Variants in ATP13A5 observed in about 807,000 individuals in gnomAD.
The protein encoded by ATP13A5 is ATPase 13A5.
ATP13A5 carries 149 observed loss-of-function variants against 150.2 expected under a neutral mutation model. The ratio of observed to expected loss-of-function variants is 0.99; its 90% CI spans 0.87 to 1.14. The LOEUF is 1.14. Among genes scored for constraint, ATP13A5 ranks in the 50% most tolerant of loss-of-function variants. The pLI is 0.00. For missense variants in ATP13A5, 1,383 were observed against 1,449.3 expected (o/e 0.95, Z 0.74); for synonymous variants, 497 against 522.2 (o/e 0.95, Z 0.66).
At chr3:193,324,485 GT>G (rs1401862699) in intron 14 of ATP13A5, among the ~76,000 whole-genome samples, 1 of 152,150 alleles carries the variant, frequency 6.6e-6, no homozygotes, top group Non-Finnish European at 1.5e-5. Flanking sequence ...AAACACTGAT[GT>G]TTTGGAGAAC....
intron 14 of ATP13A5, chr3:193,323,144 T>C (rs1428379799): frequency 1.3e-5 from 2 of 152,352 alleles, no homozygotes; most frequent in Non-Finnish European, 2.9e-5. Flanking sequence ...GGAAAGACAG[T>C]CATATATATA....
chr3:193,281,648 A>G (rs1717500099), intron 27 of ATP13A5, among the ~76,000 whole-genome samples: 1 of 152,236 alleles, frequency 6.6e-6, no homozygotes, highest in African/African-American at 2.4e-5. Flanking sequence ...TTTCTGTTAC[A>G]TCAAAATAAA....
chr3:193,346,352 A>G (rs1712336401), intron 7 of ATP13A5, among the ~76,000 whole-genome samples: 3 of 152,132 alleles, frequency 2.0e-5, no homozygotes, highest in Non-Finnish European at 4.4e-5. Flanking sequence ...AAGTGGAGAA[A>G]GCATCTTATA....
At position 193,364,181 on chromosome 3, in the gene ATP13A5, G is replaced by C; in HGVS notation, c.163C>G (p.Pro55Ala). ...GGLLLVFYWRPQWRVWANCIP... is the reference protein window; with the variant it reads ...GGLLLVFYWRAQWRVWANCIP... Reference sequence around the variant, plus strand: ...CAGTTGGCCCACACTCTCCACTGGGGTCTCCAGTAGAACACCAGCAGAAGG... The same window carrying C: ...CAGTTGGCCCACACTCTCCACTGGGCTCTCCAGTAGAACACCAGCAGAAGG... Residue 55 changes from proline to alanine, a missense_variant, in exon 2 of 30, where the codon CCC (proline) becomes GCC (alanine). Pro to Ala is a conservative substitution (Grantham distance 27, BLOSUM62 -1). Around this residue, in one of 3 missense-constraint regions of ATP13A5, gnomAD observed 787 missense variants for 771.9 expected, o/e 1.02. Coordinates refer to ENST00000342358, the MANE Select transcript of ATP13A5 (RefSeq NM_198505.4). The C allele has an allele frequency of 6.2e-7, 1 of 1,614,096 alleles. No homozygotes were observed.
At chr3:193,326,836 A>T (rs1022513776) in intron 13 of ATP13A5, among the ~76,000 whole-genome samples, 160 bp downstream of exon 13, 1 of 152,228 alleles carries the variant, frequency 6.6e-6, no homozygotes, top group Non-Finnish European at 1.5e-5. Context: ...TTCTGAAATT[A>T]GAATTCATTT....
chr3:193,363,812 A>G lies in ATP13A5; in HGVS notation c.237+295T>C, dbSNP rs890425182. Reference sequence around the variant, plus strand: ...TGTTATGGTCTCTAAACGCTGTAACACTGACAGCCACTGCTCATGTAATGG... The same window carrying G: ...TGTTATGGTCTCTAAACGCTGTAACGCTGACAGCCACTGCTCATGTAATGG... On this transcript the variant is annotated intron_variant, in intron 2 of 29. Transcript: ENST00000342358. Among the ~76,000 whole-genome samples the G allele has an allele frequency of 1.1e-4, 16 of 152,180 alleles. 1 individual carries two copies. Among genetic ancestry groups the G allele is most frequent in the African/African-American group, 2.9e-4 (12 of 41,454 alleles).
chr3:193,364,865 G>T (rs1285196096), intron 1 of ATP13A5, among the ~76,000 whole-genome samples: 1 of 152,052 alleles, frequency 6.6e-6, no homozygotes, highest in Admixed American at 6.6e-5. Flanking sequence ...CTTTCAAAAA[G>T]CAGCTTATAT....
At chr3:193,316,454 G>T (rs1719055335) in intron 17 of ATP13A5, among the ~76,000 whole-genome samples, 1 of 151,944 alleles carries the variant, frequency 6.6e-6, no homozygotes, top group East Asian at 1.9e-4. Flanking sequence ...ATTTTACAAA[G>T]GTTCTAATTT....
chr3:193,287,797 T>C (rs1717780642), intron 26 of ATP13A5, among the ~76,000 whole-genome samples: 1 of 152,164 alleles, frequency 6.6e-6, no homozygotes, highest in East Asian at 1.9e-4. Flanking sequence ...ATAGCTGCCA[T>C]AGAGAGTGAT....
intron 7 of ATP13A5, among the ~76,000 whole-genome samples, chr3:193,347,524 C>CTTTTCTT (rs72383894): frequency 0.4 from 58,702 of 145,270 alleles, 12,181 homozygotes; most frequent in East Asian, 0.56. Context: ...CCTTAGATTT[C>CTTTTCTT]TTTTTTTTTT....
rs539133141 is a variant in ATP13A5 at position 193,300,446 on chromosome 3, C to T, written c.2775+765G>A. Among the ~76,000 whole-genome samples, 23 of 152,204 alleles carry T rather than the reference C, an allele frequency of 1.5e-4. No individual in the cohort carries two copies. The South Asian group carries it at 4.8e-3, about 32-fold the overall frequency. ...TCTTCCCACCAGGCTGCCTTTGAGC[C>T]CTCTGTGTGTGATTCTTGCAAGCAA... On this transcript the variant is annotated intron_variant, in intron 24 of 29. Transcript: ENST00000342358.
chr3:193,275,027 C>T lies in ATP13A5; in HGVS notation c.*15G>A, dbSNP rs768355687. ...AAAAAGCAATGCTGTTGAGCATGTA[C>T]GACGACAATTCTGATTACAGCCTGG... On this transcript the variant is annotated 3_prime_UTR_variant, in exon 30 of 30. Transcript: ENST00000342358. 1.6e-5 allele frequency: 26 copies of T among 1,613,288 alleles called. No individual in the cohort carries two copies. The Admixed American group carries it at 3.2e-4, about 20-fold the overall frequency.
intron 12 of ATP13A5, among the ~76,000 whole-genome samples, chr3:193,330,464 G>T (rs1233588366): frequency 1.3e-5 from 2 of 152,266 alleles, no homozygotes; most frequent in Admixed American, 6.5e-5. Context: ...CTTTACAGCA[G>T]TTAAACTGGC....
chr3:193,357,576 C>A (rs764438158), intron 5 of ATP13A5, among the ~76,000 whole-genome samples: 2 of 152,188 alleles, frequency 1.3e-5, no homozygotes, highest in South Asian at 2.1e-4. Flanking sequence ...AGCTGGTTCA[C>A]ATGAGGAAAG....
intron 13 of ATP13A5, among the ~76,000 whole-genome samples, chr3:193,325,936 T>C (rs1719452090): frequency 1.3e-5 from 2 of 152,134 alleles, no homozygotes; most frequent in African/African-American, 4.8e-5. Flanking sequence ...CTCTGGCCAA[T>C]AGATTCCTTG....
At position 193,363,330 on chromosome 3, in the gene ATP13A5, G is replaced by A; in HGVS notation, c.290C>T (p.Thr97Ile). ...CTTCTTGCTTACAGGAAACTTCAGT[G>A]TGGATAAGTAGAGGCAGAATACCTT... is the stretch of plus-strand genomic sequence containing the variant. The part of the protein sequence containing the change: ...RKKVFCLYLS[T>I]LKFPVSKKWE... The change falls in exon 3 of 30, where the codon ACA becomes ATA. Residue 97 changes from threonine to isoleucine, a missense_variant. Coordinates refer to ENST00000342358, the MANE Select transcript of ATP13A5 (RefSeq NM_198505.4). The A allele has an allele frequency of 6.2e-7, 1 of 1,613,836 alleles. No homozygotes were observed. The highest frequency in any genetic ancestry group is 8.5e-7 in the Non-Finnish European group (1 of 1,179,784).
At chr3:193,355,127 T>G (rs1250596321) in intron 5 of ATP13A5, among the ~76,000 whole-genome samples, 1 of 151,904 alleles carries the variant, frequency 6.6e-6, no homozygotes, top group African/African-American at 2.4e-5. Flanking sequence ...AGACGGGGTT[T>G]CTCCATCTTG....
At chr3:193,356,632 C>G (rs757260660) in intron 5 of ATP13A5, among the ~76,000 whole-genome samples, 12 of 152,064 alleles carry the variant, frequency 7.9e-5, no homozygotes, top group South Asian at 2.1e-4. Flanking sequence ...GCATTTAGTT[C>G]TCAATAAATG....
intron 9 of ATP13A5, among the ~76,000 whole-genome samples, chr3:193,343,125 G>A (rs777745538): frequency 2.0e-5 from 3 of 152,074 alleles, no homozygotes; most frequent in Non-Finnish European, 4.4e-5. Flanking sequence ...TTTAGGTCAT[G>A]TTAAAACATT....
Sources: gnomAD v4.1 joint callset for allele counts (sites outside exome capture counted in the v4.1 genomes callset) on GRCh38, gnomAD v4.1.1 for gene constraint, gnomAD v4.1.1 regional missense constraint, MANE v1.5 for transcripts, NCBI Gene and HGNC (gene_info 2026-07-23, HGNC 2026-07-21) for gene names.